The following EFCAB6 variants were observed in gnomAD, a reference collection of about 807,000 sequenced individuals.
The protein encoded by EFCAB6 is EF-hand calcium binding domain 6.
In EFCAB6, 156 loss-of-function variants were observed where a neutral mutation model predicts 169.8. The observed-to-expected ratio is 0.92, with a 90% CI of 0.81 to 1.05. EFCAB6 has a LOEUF of 1.05. EFCAB6 is among the 50% of genes least tolerant of loss of function. The pLI is 0.00. For missense variants in EFCAB6, 1,800 were observed against 1,829.1 expected, an observed-to-expected ratio of 0.98 and a Z score of 0.29; for synonymous variants, 698 against 676.4, an observed-to-expected ratio of 1.03 and a Z score of -0.50.
At chr22:43,589,247 T>C in intron 24 of EFCAB6, among the ~76,000 whole-genome samples, 1 of 109,044 alleles carries the variant, frequency 9.2e-6, no homozygotes, top group Non-Finnish European at 1.8e-5. Flanking sequence ...TAACCCCGTG[T>C]TACCATCTGG....
At chr22:43,651,038 C>A (rs1226279760) in intron 17 of EFCAB6, among the ~76,000 whole-genome samples, 1 of 152,308 alleles carries the variant, frequency 6.6e-6, no homozygotes, top group East Asian at 1.9e-4. Context: ...AAGAAAATCC[C>A]ATTTTCTGAG....
chr22:43,789,078 T>TA (rs1569490383), intron 2 of EFCAB6, among the ~76,000 whole-genome samples: 2 of 151,438 alleles, frequency 1.3e-5, no homozygotes, highest in African/African-American at 2.4e-5. Context: ...AAGCAGGGGC[T>TA]AAAAAAAAGA....
intron 10 of EFCAB6, among the ~76,000 whole-genome samples, chr22:43,711,122 T>C (rs2059144850): frequency 6.6e-6 from 1 of 150,424 alleles, no homozygotes; most frequent in African/African-American, 2.4e-5. Flanking sequence ...ATTAATATGA[T>C]TGATAACTCT....
chr22:43,645,714 G>A (rs1426260003), intron 17 of EFCAB6, among the ~76,000 whole-genome samples: 2 of 152,136 alleles, frequency 1.3e-5, no homozygotes, highest in African/African-American at 4.8e-5. Context: ...ACTTGTCTAG[G>A]GATGCCTGGA....
intron 29 of EFCAB6, chr22:43,536,255 C>T (rs952582155): frequency 4.0e-5 from 6 of 151,872 alleles, no homozygotes; most frequent in African/African-American, 7.3e-5. Flanking sequence ...TTCAGCAAAA[C>T]GTTACATTAA....
intron 21 of EFCAB6, among the ~76,000 whole-genome samples, chr22:43,611,352 C>G (rs946162957): frequency 6.6e-6 from 1 of 152,164 alleles, no homozygotes; most frequent in Non-Finnish European, 1.5e-5. Flanking sequence ...TCAGTGATGA[C>G]ACAAACAAAT....
chr22:43,588,160 G>A (rs2051204114), intron 24 of EFCAB6, among the ~76,000 whole-genome samples: 1 of 152,142 alleles, frequency 6.6e-6, no homozygotes, highest in Non-Finnish European at 1.5e-5. Context: ...TCAAGCCAGA[G>A]TACCATACAT....
At chr22:43,685,620 T>A (rs1424166916) in intron 11 of EFCAB6, among the ~76,000 whole-genome samples, 2 of 152,200 alleles carry the variant, frequency 1.3e-5, no homozygotes, top group Non-Finnish European at 2.9e-5. Flanking sequence ...TCTTGGCTCT[T>A]TGGGCAACTG....
Position 43,537,246 on chromosome 22 carries a change from G to A in EFCAB6, c.4048+131C>T, listed in dbSNP as rs1446839293. 1.7e-6 allele frequency: 2 copies of A among 1,184,746 alleles called. No homozygotes were observed. The highest frequency in any genetic ancestry group is 2.4e-6 in the Non-Finnish European group (2 of 836,352). The allele number at this position is 1,184,746 out of a possible 1,614,324, so 73.4% of individuals were successfully genotyped here. A position where few individuals can be genotyped will look rare whatever the true frequency, so the allele number is the denominator to read the frequency against. On this transcript the variant is annotated intron_variant, in intron 29 of 31. Coordinates refer to ENST00000262726, the MANE Select transcript of EFCAB6 (RefSeq NM_022785.4). The surrounding 1 kb of genome is among the most constrained non-coding windows in gnomAD (Gnocchi z 4.3). ...TATAGTAAGCTGCACAGCCCACCCA[G>A]AAGTTCCCACCAGTTTCCTGTTCTG...
intron 17 of EFCAB6, among the ~76,000 whole-genome samples, chr22:43,650,158 G>C (rs2148049538): frequency 6.6e-6 from 1 of 152,252 alleles, no homozygotes; most frequent in South Asian, 2.1e-4. Context: ...GGAGGGGAAG[G>C]GGCAGGGCTC....
In EFCAB6 at chr22:43,672,154, T is replaced by C. The variant is rs369213994; in HGVS notation, c.1480-21A>G. On this transcript the variant is annotated intron_variant, in intron 14 of 31. Transcript: ENST00000262726. ...TCCACCTAACATTAAAAAACAAACA[T>C]ATTTCCTAAGCCATACATCTGTAAC... 27 of 1,612,778 alleles carry C rather than the reference T, an allele frequency of 1.7e-5. No individual in the cohort carries two copies. In the African/African-American group the frequency reaches 3.2e-4, roughly 19 times the overall value.
chr22:43,539,527 A>G (rs1216883443), intron 28 of EFCAB6, among the ~76,000 whole-genome samples: 1 of 152,110 alleles, frequency 6.6e-6, no homozygotes, highest in Non-Finnish European at 1.5e-5. Context: ...CATTCTCTCA[A>G]CCACCCTGTC....
At chr22:43,577,502 T>G (rs1223696085) in intron 25 of EFCAB6, among the ~76,000 whole-genome samples, 2 of 152,226 alleles carry the variant, frequency 1.3e-5, no homozygotes, top group Non-Finnish European at 2.9e-5. Context: ...CCAGGAGTTG[T>G]TCTGGGAACC....
chr22:43,551,402 A>C (rs1052981790), intron 27 of EFCAB6, among the ~76,000 whole-genome samples: 2 of 152,210 alleles, frequency 1.3e-5, no homozygotes, highest in African/African-American at 4.8e-5. Context: ...TTTCAATGGC[A>C]AAGACCGCAA....
intron 21 of EFCAB6, among the ~76,000 whole-genome samples, chr22:43,613,153 TATAA>T (rs2053441088): frequency 6.8e-6 from 1 of 147,942 alleles, no homozygotes. Flanking sequence ...AAATATCATA[TATAA>T]ATATTTTATA....
At chr22:43,782,154 G>A (rs778793616) in intron 3 of EFCAB6, 26 bp downstream of exon 3, 46 of 1,603,558 alleles carry the variant, frequency 2.9e-5, no homozygotes, top group Non-Finnish European at 3.8e-5. Flanking sequence ...TACAGTTAGT[G>A]TTCTTATTTG....
intron 17 of EFCAB6, among the ~76,000 whole-genome samples, chr22:43,639,262 A>G (rs188486661): frequency 1.3e-5 from 2 of 152,286 alleles, no homozygotes; most frequent in Admixed American, 6.5e-5. Context: ...TCTTCCTAGT[A>G]TCAAATTCCT....
intron 27 of EFCAB6, among the ~76,000 whole-genome samples, chr22:43,551,441 C>T (rs992733586): frequency 6.6e-6 from 1 of 152,198 alleles, no homozygotes; most frequent in Non-Finnish European, 1.5e-5. Flanking sequence ...AATATTCGTG[C>T]CAGAGTTTGA....
chr22:43,582,994 T>C (rs2050828245), intron 24 of EFCAB6, among the ~76,000 whole-genome samples: 1 of 152,166 alleles, frequency 6.6e-6, no homozygotes, highest in Admixed American at 6.5e-5. Context: ...ATTCCCAGTC[T>C]CTGTCTCATA....
Sources: gnomAD v4.1 joint callset for allele counts (sites outside exome capture counted in the v4.1 genomes callset) on GRCh38, gnomAD v4.1.1 for gene constraint, Gnocchi (gnomAD v3.1) non-coding constraint, MANE v1.5 for transcripts, NCBI Gene and HGNC (gene_info 2026-07-23, HGNC 2026-07-21) for gene names.